Variants in KCNQ1OT1 observed in about 807,000 individuals in gnomAD.
KCNQ1OT1 encodes KCNQ1 antisense RNA 2 (non-protein coding).
chr11:2,658,697 T>A lies in KCNQ1OT1; in HGVS notation n.41298A>T, dbSNP rs1010743879. 1 of 398,474 alleles carries A rather than the reference T, an allele frequency of 2.5e-6. No homozygotes were observed. The highest frequency in any genetic ancestry group is 2.1e-5 in the African/African-American group (1 of 48,608). 24.7% of individuals were successfully genotyped at this position (398,474 alleles called of 1,614,324 possible). On this transcript the variant is annotated non_coding_transcript_exon_variant, in exon 1 of 1. Transcript: ENST00000597346. The surrounding 1 kb of genome is among the most constrained non-coding windows in gnomAD (Gnocchi z 4.9). Reference sequence around the variant, plus strand: ...TGGACAGAGCTAGGAAATATATGTATGTATGTAACCTGAGTACACATACAT... The same window carrying A: ...TGGACAGAGCTAGGAAATATATGTAAGTATGTAACCTGAGTACACATACAT...
rs552114033 is a variant in KCNQ1OT1, at chr11:2,664,829, G to A, written n.35166C>T. 17 of 398,664 alleles carry A rather than the reference G, an allele frequency of 4.3e-5. No individual in the cohort carries two copies. Among genetic ancestry groups the A allele is most frequent in the Admixed American group, 3.5e-4 (8 of 22,740 alleles). The allele number at this position is 398,664 out of a possible 1,614,324, so 24.7% of individuals were successfully genotyped here. A position where few individuals can be genotyped will look rare whatever the true frequency, so the allele number is the denominator to read the frequency against. ...CATTTTTCTTCAGCATTCTACTGAT[G>A]TTAAATGTATTACCATGCTGGGCCA... On this transcript the variant is annotated non_coding_transcript_exon_variant, in exon 1 of 1. Coordinates refer to ENST00000597346, the Ensembl canonical transcript of KCNQ1OT1. The surrounding 1 kb of genome is among the most constrained non-coding windows in gnomAD (Gnocchi z 5.1).
At position 2,651,974 on chromosome 11, in the gene KCNQ1OT1, T is replaced by A. The variant is rs1437303509; in HGVS notation, n.48021A>T. 1 of 398,516 alleles carries A rather than the reference T, an allele frequency of 2.5e-6. No homozygotes were observed. Among genetic ancestry groups the A allele is most frequent in the South Asian group, 1.3e-4 (1 of 7,854 alleles). The allele number at this position is 398,516 out of a possible 1,614,324, so 24.7% of individuals were successfully genotyped here. A position where few individuals can be genotyped will look rare whatever the true frequency, so the allele number is the denominator to read the frequency against. The stretch of plus-strand genomic sequence containing the variant: ...GCAGCAGTGGGGGAGCCAAGCTGAG[T>A]TGATTACTTTTGACATCAGTTGTTA... On this transcript the variant is annotated non_coding_transcript_exon_variant, in exon 1 of 1. Coordinates refer to ENST00000597346, the Ensembl canonical transcript of KCNQ1OT1. This position sits in a 1 kb window ranked among gnomAD's most constrained non-coding sequence, Gnocchi z 6.1.
chr11:2,680,206 T>TAAA (rs139249507), exon 1 of KCNQ1OT1: 15 of 362,232 alleles, frequency 4.1e-5, no homozygotes, highest in Non-Finnish European at 6.7e-5. Context: ...CTTGCCTAAT[T>TAAA]AAAAAAAAAA....
At chr11:2,650,733 A>C (rs1849744150) in exon 1 of KCNQ1OT1, 2 of 398,466 alleles carry the variant, frequency 5.0e-6, no homozygotes, top group Non-Finnish European at 8.8e-6. Context: ...ATGCTATTGG[A>C]ATTTGGCTCA....
exon 1 of KCNQ1OT1, chr11:2,648,489 A>C: frequency 2.5e-6 from 1 of 398,364 alleles, no homozygotes; most frequent in Non-Finnish European, 4.4e-6. Context: ...CATTTGTTTC[A>C]AAGAATTTTT....
chr11:2,661,757 C>G lies in KCNQ1OT1; in HGVS notation n.38238G>C. 1.6e-6 allele frequency: 1 copy of G among 642,784 alleles called. No individual in the cohort carries two copies. The highest frequency in any genetic ancestry group is 2.8e-6 in the Non-Finnish European group (1 of 357,998). The allele number at this position is 642,784 out of a possible 1,614,324, so 39.8% of individuals were successfully genotyped here. On this transcript the variant is annotated non_coding_transcript_exon_variant, in exon 1 of 1. Coordinates refer to ENST00000597346, the Ensembl canonical transcript of KCNQ1OT1. This position sits in a 1 kb window ranked among gnomAD's most constrained non-coding sequence, Gnocchi z 5.9. ...ATGATTCACTGGCCTTTATTCTCCT[C>G]AGACACTGAGGTGTCAGGCACTTTG...
chr11:2,676,473 G>A lies in KCNQ1OT1; in HGVS notation n.23522C>T. The A allele has an allele frequency of 2.5e-6, 1 of 398,690 alleles. No individual in the cohort carries two copies. Among genetic ancestry groups the A allele is most frequent in the Non-Finnish European group, 4.4e-6 (1 of 226,098 alleles). The allele number at this position is 398,690 out of a possible 1,614,324, so 24.7% of individuals were successfully genotyped here. On this transcript the variant is annotated non_coding_transcript_exon_variant, in exon 1 of 1. Transcript: ENST00000597346. The surrounding 1 kb of genome is among the most constrained non-coding windows in gnomAD (Gnocchi z 4.2). ...TGTTCTGCTCAGATTGTTAGCTGTA[G>A]TCTTTCTGGCATCAGTTCCATTTCT...
In KCNQ1OT1 at chr11:2,678,066, G is replaced by A. The variant is rs1266339139; in HGVS notation, n.21929C>T. 2.5e-6 allele frequency: 1 copy of A among 398,134 alleles called. No individual in the cohort carries two copies. The highest frequency in any genetic ancestry group is 4.4e-6 in the Non-Finnish European group (1 of 225,944). 24.7% of individuals were successfully genotyped at this position (398,134 alleles called of 1,614,324 possible). A position where few individuals can be genotyped will look rare whatever the true frequency, so the allele number is the denominator to read the frequency against. Reference sequence around the variant, plus strand: ...TATTTCTTCATACCCTTTGGACTTTGTAAAATACCTTGTCTTACTGATTTG... The same window carrying A: ...TATTTCTTCATACCCTTTGGACTTTATAAAATACCTTGTCTTACTGATTTG... On this transcript the variant is annotated non_coding_transcript_exon_variant, in exon 1 of 1. Transcript: ENST00000597346. This position sits in a 1 kb window ranked among gnomAD's most constrained non-coding sequence, Gnocchi z 4.9.
chr11:2,629,412 T>C (rs979450566), exon 1 of KCNQ1OT1: 51 of 398,388 alleles, frequency 1.3e-4, no homozygotes, highest in Non-Finnish European at 2.0e-4. Context: ...CCAAATCCAA[T>C]GTCATGCAGT....
Position 2,642,785 on chromosome 11 carries a change from A to C in KCNQ1OT1, n.57210T>G, listed in dbSNP as rs1207195691. 1 of 397,506 alleles carries C rather than the reference A, an allele frequency of 2.5e-6. No homozygotes were observed. The highest frequency in any genetic ancestry group is 4.4e-6 in the Non-Finnish European group (1 of 225,606). 24.6% of individuals were successfully genotyped at this position (397,506 alleles called of 1,614,324 possible). A position where few individuals can be genotyped will look rare whatever the true frequency, so the allele number is the denominator to read the frequency against. ...ATTTAAGATCTTTTCTACCTTTTTT[A>C]ATGGAGGCATTTATTACAATAAACT... is the stretch of plus-strand genomic sequence containing the variant. On this transcript the variant is annotated non_coding_transcript_exon_variant, in exon 1 of 1. Coordinates refer to ENST00000597346, the Ensembl canonical transcript of KCNQ1OT1. This position sits in a 1 kb window ranked among gnomAD's most constrained non-coding sequence, Gnocchi z 4.3.
At chr11:2,622,150 T>C (rs1008617601) in exon 1 of KCNQ1OT1, 1 of 398,234 alleles carries the variant, frequency 2.5e-6, no homozygotes, top group East Asian at 3.6e-5. Context: ...GAAAGTACGT[T>C]ATTGAAGTCC....
chr11:2,673,645 G>C lies in KCNQ1OT1; in HGVS notation n.26350C>G, dbSNP rs1043624372. 2.5e-6 allele frequency: 1 copy of C among 398,626 alleles called. No individual in the cohort carries two copies. The highest frequency in any genetic ancestry group is 2.1e-5 in the African/African-American group (1 of 48,636). 24.7% of individuals were successfully genotyped at this position (398,626 alleles called of 1,614,324 possible). ...CCTTGCTACTGCTGATGACCACCCT[G>C]ACTCATGTCCCTTGTCTGCATAGGT... On this transcript the variant is annotated non_coding_transcript_exon_variant, in exon 1 of 1. Transcript: ENST00000597346. The surrounding 1 kb of genome is among the most constrained non-coding windows in gnomAD (Gnocchi z 4.5).
exon 1 of KCNQ1OT1, chr11:2,675,573 T>A: frequency 2.5e-6 from 1 of 398,604 alleles, no homozygotes. Context: ...TACGTAACAG[T>A]TTCACTTCCT....
chr11:2,676,323 A>G lies in KCNQ1OT1; in HGVS notation n.23672T>C. On this transcript the variant is annotated non_coding_transcript_exon_variant, in exon 1 of 1. Coordinates refer to ENST00000597346, the Ensembl canonical transcript of KCNQ1OT1. The surrounding 1 kb of genome is among the most constrained non-coding windows in gnomAD (Gnocchi z 4.2). The stretch of plus-strand genomic sequence containing the variant: ...GTGTGAACAGGTGATGGCTCTGAAC[A>G]GTGTAGTTGAAGTGCTGTTTTCTCA... 2.5e-6 allele frequency: 1 copy of G among 398,656 alleles called. No homozygotes were observed. Among genetic ancestry groups the G allele is most frequent in the Non-Finnish European group, 4.4e-6 (1 of 226,074 alleles). The allele number at this position is 398,656 out of a possible 1,614,324, so 24.7% of individuals were successfully genotyped here.
chr11:2,653,938 G>A lies in KCNQ1OT1; in HGVS notation n.46057C>T. 1 of 398,688 alleles carries A rather than the reference G, an allele frequency of 2.5e-6. No individual in the cohort carries two copies. The highest frequency in any genetic ancestry group is 4.4e-6 in the Non-Finnish European group (1 of 226,114). 24.7% of individuals were successfully genotyped at this position (398,688 alleles called of 1,614,324 possible). On this transcript the variant is annotated non_coding_transcript_exon_variant, in exon 1 of 1. Coordinates refer to ENST00000597346, the Ensembl canonical transcript of KCNQ1OT1. The surrounding 1 kb of genome is among the most constrained non-coding windows in gnomAD (Gnocchi z 5.3). ...TCCCAGAAGCCAGGCCTGGCTGCTG[G>A]CAGGCAAAAACAACAGGTGTCCACT... is the stretch of plus-strand genomic sequence containing the variant.
chr11:2,633,482 T>C (rs1195219863), exon 1 of KCNQ1OT1: 7 of 398,462 alleles, frequency 1.8e-5, no homozygotes, highest in Admixed American at 8.8e-5. Flanking sequence ...TCTGTTTTCT[T>C]CTAGTACTGT....
Position 2,621,769 on chromosome 11 carries a change from T to C in KCNQ1OT1, n.78226A>G, listed in dbSNP as rs1228270364. 2.5e-6 allele frequency: 1 copy of C among 398,278 alleles called. No homozygotes were observed. The highest frequency in any genetic ancestry group is 3.6e-5 in the East Asian group (1 of 28,012). The allele number at this position is 398,278 out of a possible 1,614,324, so 24.7% of individuals were successfully genotyped here. On this transcript the variant is annotated non_coding_transcript_exon_variant, in exon 1 of 1. Coordinates refer to ENST00000597346, the Ensembl canonical transcript of KCNQ1OT1. This position sits in a 1 kb window ranked among gnomAD's most constrained non-coding sequence, Gnocchi z 5.7. ...TTTCTGATTTTGTCCTCTTTCTTAG[T>C]CCAAGAGTTTGTTGATTTTATTTTT...
At chr11:2,619,405 C>G (rs1399299507) in exon 1 of KCNQ1OT1, 1 of 398,408 alleles carries the variant, frequency 2.5e-6, no homozygotes, top group Non-Finnish European at 4.4e-6. Flanking sequence ...TCATCAAATA[C>G]TTTTTGTGTG....
exon 1 of KCNQ1OT1, chr11:2,615,110 C>A (rs1008451306): frequency 2.5e-6 from 1 of 398,004 alleles, no homozygotes; most frequent in Non-Finnish European, 4.4e-6. Context: ...AGTCTTTCAC[C>A]TTCTTGTTTT....
Sources: gnomAD v4.1 joint callset for allele counts on GRCh38, gnomAD v4.1.1 for gene constraint, Gnocchi (gnomAD v3.1) non-coding constraint, MANE v1.5 for transcripts, NCBI Gene and HGNC (gene_info 2026-07-23, HGNC 2026-07-21) for gene names.